The following BABAM2 variants were observed in gnomAD, a reference collection of about 807,000 sequenced individuals.
BABAM2 encodes BRISC and BRCA1 A complex member 2, also known as BRISC and BRCA1-A complex member 2.
BABAM2 carries 31 observed loss-of-function variants against 54.7 expected under a neutral mutation model. That is an observed-to-expected ratio of 0.57 (90% CI 0.43 to 0.77). The LOEUF (loss-of-function observed/expected upper bound fraction) is 0.77. BABAM2 is among the 30% of genes least tolerant of loss of function. The pLI is 0.00. For missense variants in BABAM2, 364 were observed against 455.8 expected (o/e 0.80, Z 1.83); for synonymous variants, 167 against 162.9 (o/e 1.03, Z -0.19).
intron 6 of BABAM2, among the ~76,000 whole-genome samples, chr2:28,123,100 A>G (rs1039784432): frequency 1.3e-5 from 2 of 152,128 alleles, no homozygotes; most frequent in African/African-American, 4.8e-5. Context: ...TCATTTACTC[A>G]TTCTTTTAGT....
intron 11 of BABAM2, among the ~76,000 whole-genome samples, chr2:28,309,728 G>C (rs970678948): frequency 1.3e-5 from 2 of 152,224 alleles, no homozygotes; most frequent in Non-Finnish European, 2.9e-5. Context: ...CCCTGTGGTT[G>C]TATCTTCTTG....
At chr2:28,225,634 C>G (rs1228937102) in intron 7 of BABAM2, among the ~76,000 whole-genome samples, 1 of 151,746 alleles carries the variant, frequency 6.6e-6, no homozygotes, top group African/African-American at 2.4e-5. Flanking sequence ...GCTTTTTCAC[C>G]TAACATAGAA....
At chr2:28,279,593 C>G (rs902607881) in intron 10 of BABAM2, among the ~76,000 whole-genome samples, 2 of 151,828 alleles carry the variant, frequency 1.3e-5, no homozygotes, top group African/African-American at 4.8e-5. Flanking sequence ...CTCGAAATCC[C>G]CAACTTCTGT....
rs544210923 is a variant in BABAM2 at position 28,186,009 on chromosome 2, A to G, written c.681-51193A>G. ...GTGGATACCCAACTTGTAAAGCACCAAAGTAGGACTTAGTGTGGGAATGTT... is the reference window on the plus strand; with the variant it reads ...GTGGATACCCAACTTGTAAAGCACCGAAGTAGGACTTAGTGTGGGAATGTT... On this transcript the variant is annotated intron_variant, in intron 7 of 11. Coordinates refer to ENST00000379624, the MANE Select transcript of BABAM2 (RefSeq NM_199191.3). 2.0e-5 allele frequency among the ~76,000 whole-genome samples: 3 copies of G among 152,352 alleles called. No individual in the cohort carries two copies. The South Asian group carries it at 6.2e-4, about 32-fold the overall frequency.
At chr2:28,190,989 T>G (rs1056903718) in intron 7 of BABAM2, among the ~76,000 whole-genome samples, 3 of 152,118 alleles carry the variant, frequency 2.0e-5, no homozygotes, top group African/African-American at 7.2e-5. Context: ...AAATATTTGC[T>G]CTTCAAGGCA....
intron 3 of BABAM2, among the ~76,000 whole-genome samples, chr2:27,933,932 A>G (rs763703451): frequency 2.6e-5 from 4 of 151,904 alleles, no homozygotes; most frequent in East Asian, 3.8e-4. Flanking sequence ...TTATCCCTCA[A>G]TATCCATGGG....
At chr2:28,291,487 G>A (rs1027210343) in intron 10 of BABAM2, among the ~76,000 whole-genome samples, 4 of 151,912 alleles carry the variant, frequency 2.6e-5, no homozygotes, top group Admixed American at 1.3e-4. Context: ...CTAGCTACTC[G>A]GGAGGCTGAG....
chr2:28,263,629 G>A (rs890968795), intron 10 of BABAM2, among the ~76,000 whole-genome samples: 6 of 152,206 alleles, frequency 3.9e-5, no homozygotes, highest in African/African-American at 1.2e-4. Context: ...CTGGGTAAGT[G>A]CCATGATTTG....
At chr2:27,972,638 A>G (rs1333086708) in intron 3 of BABAM2, among the ~76,000 whole-genome samples, 2 of 152,172 alleles carry the variant, frequency 1.3e-5, no homozygotes, top group Non-Finnish European at 2.9e-5. Flanking sequence ...GCTAAAGTTT[A>G]TATTTAAAAA....
intron 7 of BABAM2, among the ~76,000 whole-genome samples, chr2:28,172,459 T>C (rs1028498146): frequency 3.3e-5 from 5 of 152,202 alleles, no homozygotes; most frequent in Admixed American, 6.5e-5. Context: ...CTGATTTCTG[T>C]GGCTTCTTCA....
chr2:28,225,277 G>A (rs905672721), intron 7 of BABAM2, among the ~76,000 whole-genome samples: 3 of 152,150 alleles, frequency 2.0e-5, no homozygotes, highest in Non-Finnish European at 4.4e-5. Context: ...AAGACAGTCG[G>A]GCTAACAAGG....
chr2:28,280,001 C>T (rs570085692), intron 10 of BABAM2, among the ~76,000 whole-genome samples: 5 of 151,976 alleles, frequency 3.3e-5, no homozygotes, highest in Non-Finnish European at 7.4e-5. Flanking sequence ...AACTCACATA[C>T]CTTTTCTTAT....
At chr2:28,166,057 CAG>C (rs1234574907) in intron 7 of BABAM2, among the ~76,000 whole-genome samples, 2 of 152,102 alleles carry the variant, frequency 1.3e-5, no homozygotes, top group Admixed American at 1.3e-4. Context: ...CACATACACA[CAG>C]AGGGAAGACG....
intron 3 of BABAM2, among the ~76,000 whole-genome samples, chr2:27,948,419 C>G (rs967692142): frequency 6.6e-6 from 1 of 152,086 alleles, no homozygotes; most frequent in Non-Finnish European, 1.5e-5. Flanking sequence ...AATCTGAATG[C>G]CTTTTCTTTC....
chr2:27,992,912 C>T (rs988467333), intron 4 of BABAM2, among the ~76,000 whole-genome samples: 1 of 152,196 alleles, frequency 6.6e-6, no homozygotes, highest in African/African-American at 2.4e-5. Flanking sequence ...ACCTGAATGG[C>T]TTGTTCTCTC....
intron 7 of BABAM2, among the ~76,000 whole-genome samples, chr2:28,193,766 T>C (rs888637537): frequency 2.6e-5 from 4 of 152,204 alleles, no homozygotes; most frequent in Non-Finnish European, 5.9e-5. Flanking sequence ...AGCAGTTTTT[T>C]CTCTCTTCCT....
Position 28,049,587 on chromosome 2 carries a change from C to G in BABAM2, c.570+3788C>G, listed in dbSNP as rs182932520. On this transcript the variant is annotated intron_variant, in intron 6 of 11. Transcript: ENST00000379624. ...CTACTGTGGAATCTGAATCATGACA[C>G]TACAGCGAAATTAATTGAGTGTGAA... Among the ~76,000 whole-genome samples, 3 of 152,300 alleles carry G rather than the reference C, an allele frequency of 2.0e-5. No homozygotes were observed. In the East Asian group the frequency reaches 5.8e-4, roughly 29 times the overall value.
chr2:28,263,706 G>A (rs1684737856), intron 10 of BABAM2, among the ~76,000 whole-genome samples: 1 of 152,240 alleles, frequency 6.6e-6, no homozygotes, highest in Admixed American at 6.5e-5. Flanking sequence ...CCCTACACAT[G>A]TCTATGGTCA....
At chr2:27,894,832 G>T in intron 2 of BABAM2, 148 bp downstream of exon 2, 1 of 879,614 alleles carries the variant, frequency 1.1e-6, no homozygotes, top group Non-Finnish European at 1.7e-6. Context: ...AGTTGGTTTT[G>T]TTCAGTTCTT....
Sources: gnomAD v4.1 joint callset for allele counts (sites outside exome capture counted in the v4.1 genomes callset) on GRCh38, gnomAD v4.1.1 for gene constraint, MANE v1.5 for transcripts, NCBI Gene and HGNC (gene_info 2026-07-23, HGNC 2026-07-21) for gene names.